PLAGL1: variants seen among roughly 807,000 people sequenced by gnomAD.
PLAGL1 encodes PLAG1 like zinc finger 1.
A neutral mutation model predicts 4.6 loss-of-function variants in PLAGL1; 1 was observed. That is an observed-to-expected ratio of 0.22 (90% CI 0.08 to 1.03). PLAGL1 has a LOEUF of 1.03. Ranked by LOEUF, PLAGL1 falls within the 50% of genes least tolerant of loss-of-function variation. The probability of loss-of-function intolerance (pLI) is 0.58; values close to 1 mark genes in which losing one functional copy is unlikely to be tolerated. For synonymous variants in PLAGL1, 240 were observed against 237.8 expected (o/e 1.01, Z -0.08); for missense variants, 464 against 570.4 (o/e 0.81, Z 1.90).
chr6:144,032,058 A>G (rs904856866), intron 1 of PLAGL1, among the ~76,000 whole-genome samples: 17 of 150,038 alleles, frequency 1.1e-4, no homozygotes, highest in African/African-American at 3.9e-4. Context: ...CCCTTTACCT[A>G]TTTGGGCACA....
In PLAGL1 at chr6:143,964,208, C is replaced by G. The variant is rs554853010; in HGVS notation, c.-399+579G>C. Among the ~76,000 whole-genome samples, 1 of 152,260 alleles carries G rather than the reference C, an allele frequency of 6.6e-6. No homozygotes were observed. Among genetic ancestry groups the G allele is most frequent in the East Asian group, 1.9e-4 (1 of 5,176 alleles). ...AGAAGACAGCTACGTGAAGAGTGTG[C>G]CTCGGGAGGCCAGACCTGAGGCAGG... On this transcript the variant is annotated intron_variant, in intron 5 of 7. Transcript: ENST00000674357. This position sits in a 1 kb window ranked among gnomAD's most constrained non-coding sequence, Gnocchi z 4.3.
rs1797110440 is a variant in PLAGL1, at chr6:144,034,957, G to T, written c.-151+29511C>A. ...TCTTTGAGTATTAACTTGGAAATAA[G>T]GTAAATTGATGGATGGGTATGTAAT... On this transcript the variant is annotated intron_variant, in intron 1 of 3. Coordinates refer to the PLAGL1 transcript ENST00000437412. This position sits in a 1 kb window ranked among gnomAD's most constrained non-coding sequence, Gnocchi z 4.7. Among the ~76,000 whole-genome samples the T allele has an allele frequency of 6.6e-6, 1 of 152,206 alleles. No homozygotes were observed. The highest frequency in any genetic ancestry group is 2.1e-4 in the South Asian group (1 of 4,820).
chr6:144,016,953 G>A lies in PLAGL1; in HGVS notation c.-151+47515C>T, dbSNP rs887924133. Among the ~76,000 whole-genome samples, 2 of 152,072 alleles carry A rather than the reference G, an allele frequency of 1.3e-5. No homozygotes were observed. The highest frequency in any genetic ancestry group is 2.9e-5 in the Non-Finnish European group (2 of 68,014). ...TGTTTTCTAACCTGTGAGGGTGTCA[G>A]TGGCAGAGGTGAAACCTGACCTAGA... is the stretch of plus-strand genomic sequence containing the variant. On this transcript the variant is annotated intron_variant, in intron 1 of 3. Transcript: ENST00000437412. The surrounding 1 kb of genome is among the most constrained non-coding windows in gnomAD (Gnocchi z 4.2).
chr6:144,018,178 A>T (rs1795697266), intron 1 of PLAGL1, among the ~76,000 whole-genome samples: 1 of 152,266 alleles, frequency 6.6e-6, no homozygotes, highest in Non-Finnish European at 1.5e-5. Context: ...ATATTTATAT[A>T]GTCTATATAG....
At chr6:143,992,740 G>A (rs1790739397) in intron 1 of PLAGL1, among the ~76,000 whole-genome samples, 1 of 152,208 alleles carries the variant, frequency 6.6e-6, no homozygotes, top group African/African-American at 2.4e-5. Context: ...CACCTTGGGA[G>A]GCCAAGGCAG....
Position 143,948,117 on chromosome 6 carries a change from T to C in PLAGL1, c.20A>G (p.Gln7Arg), listed in dbSNP as rs1562391534. The stretch of plus-strand genomic sequence containing the variant: ...GGTGAGGAACGTCTTGCCACATAAC[T>C]GGCAGGGGAACGTGGCCATGGGCTT... MATFPC[Q>R]LCGKTFLTLE... is the part of the protein sequence containing the mutation. The change falls in exon 7 of 8, where the codon CAG becomes CGG. Residue 7 changes from glutamine to arginine, a missense_variant. Coordinates refer to ENST00000674357, the MANE Select transcript of PLAGL1 (RefSeq NM_001317162.2). The surrounding 1 kb of genome is among the most constrained non-coding windows in gnomAD (Gnocchi z 6.0). 6.2e-7 allele frequency: 1 copy of C among 1,613,772 alleles called. No homozygotes were observed. The highest frequency in any genetic ancestry group is 1.7e-5 in the Admixed American group (1 of 60,022).
Position 143,994,200 on chromosome 6 carries a change from G to A in PLAGL1, c.-583-9026C>T, listed in dbSNP as rs118064857. 0.01 allele frequency among the ~76,000 whole-genome samples: 1,523 copies of A among 152,202 alleles called. 9 individuals are homozygous for A. Among genetic ancestry groups the A allele is most frequent in the African/African-American group, 0.016 (670 of 41,538 alleles). ...ACCAGGGACTCCCTAAAGTATACTC[G>A]TGAAATTTATAACTTACAATGTGGG... On this transcript the variant is annotated intron_variant, in intron 1 of 7. Coordinates refer to ENST00000674357, the MANE Select transcript of PLAGL1 (RefSeq NM_001317162.2). This position sits in a 1 kb window ranked among gnomAD's most constrained non-coding sequence, Gnocchi z 4.3.
At position 144,004,076 on chromosome 6, in the gene PLAGL1, AT is replaced by A. The variant is rs1435214030; in HGVS notation, c.-584+4013del. Among the ~76,000 whole-genome samples, 2 of 152,124 alleles carry A rather than the reference AT, an allele frequency of 1.3e-5. No individual in the cohort carries two copies. The highest frequency in any genetic ancestry group is 2.9e-5 in the Non-Finnish European group (2 of 68,008). On this transcript the variant is annotated intron_variant, in intron 1 of 7. Coordinates refer to ENST00000674357, the MANE Select transcript of PLAGL1 (RefSeq NM_001317162.2). The surrounding 1 kb of genome is among the most constrained non-coding windows in gnomAD (Gnocchi z 4.2). ...AATACCGTAGAAGAGGTGTCAATAAATTTTTTTCTGTAAATGGCCACGTGGT... is the reference window on the plus strand; with the variant it reads ...AATACCGTAGAAGAGGTGTCAATAAATTTTTTCTGTAAATGGCCACGTGGT...
rs745438962 is a variant in PLAGL1, at chr6:143,941,863, A to T, written c.953T>A (p.Leu318His). The T allele has an allele frequency of 1.2e-6, 2 of 1,614,082 alleles. No homozygotes were observed. Among genetic ancestry groups the T allele is most frequent in the East Asian group, 4.5e-5 (2 of 44,884 alleles). Residue 318 changes from leucine to histidine, a missense_variant, in exon 8 of 8, where the codon CTC (leucine) becomes CAC (histidine). Physicochemically the swap from Leu to His is moderately conservative, Grantham distance 99. Around this residue, in one of 4 missense-constraint regions of PLAGL1, gnomAD observed 248 missense variants for 250.1 expected, o/e 0.99. Transcript: ENST00000674357. The surrounding 1 kb of genome is among the most constrained non-coding windows in gnomAD (Gnocchi z 6.0). ...TSYSPLASLP[L>H]KADTKGFCNI... ...GCAAAAACCTTTAGTATCTGCTTTG[A>T]GGGGCAGGCTTGCAAGTGGGGAGTA...
Position 144,048,240 on chromosome 6 carries a change from G to C in PLAGL1, c.-151+16228C>G, listed in dbSNP as rs1271983937. ...CTTTCATGGGCTGGCATTGAGTGTT[G>C]GTGGCTTTTCCAGGTGCACAGTGCA... On this transcript the variant is annotated intron_variant, in intron 1 of 3. Coordinates refer to the PLAGL1 transcript ENST00000437412. This position sits in a 1 kb window ranked among gnomAD's most constrained non-coding sequence, Gnocchi z 4.8. Among the ~76,000 whole-genome samples the C allele has an allele frequency of 6.6e-6, 1 of 152,136 alleles. No homozygotes were observed. Among genetic ancestry groups the C allele is most frequent in the African/African-American group, 2.4e-5 (1 of 41,438 alleles).
In PLAGL1 at chr6:143,995,583, T is replaced by G. The variant is rs767386855; in HGVS notation, c.-583-10409A>C. Among the ~76,000 whole-genome samples, 1 of 152,148 alleles carries G rather than the reference T, an allele frequency of 6.6e-6. No homozygotes were observed. The highest frequency in any genetic ancestry group is 1.5e-5 in the Non-Finnish European group (1 of 67,974). ...TTGTTGAATAAATTTATGAATGTTTTCTAAGTTAAATAGCTTTAAAAGCTA... is the reference window on the plus strand; with the variant it reads ...TTGTTGAATAAATTTATGAATGTTTGCTAAGTTAAATAGCTTTAAAAGCTA... On this transcript the variant is annotated intron_variant, in intron 1 of 7. Coordinates refer to ENST00000674357, the MANE Select transcript of PLAGL1 (RefSeq NM_001317162.2). This position sits in a 1 kb window ranked among gnomAD's most constrained non-coding sequence, Gnocchi z 4.4.
intron 1 of PLAGL1, among the ~76,000 whole-genome samples, chr6:144,014,256 C>A (rs1562573668): frequency 6.6e-6 from 1 of 151,894 alleles, no homozygotes; most frequent in Non-Finnish European, 1.5e-5. Context: ...CATGGCAAAA[C>A]CCCATCAATA....
chr6:144,001,649 G>A lies in PLAGL1; in HGVS notation c.-584+6441C>T, dbSNP rs370423214. On this transcript the variant is annotated intron_variant, in intron 1 of 7. Transcript: ENST00000674357. ...ACTTTCTCCTAACAAATAGACCATG[G>A]AAAGGGGGAAAAAGTAACATTACAA... 2.1e-4 allele frequency among the ~76,000 whole-genome samples: 32 copies of A among 152,120 alleles called. 1 individual carries two copies. In the East Asian group the frequency reaches 4.4e-3, roughly 21 times the overall value.
At chr6:144,057,161 T>C (rs570535485) in intron 1 of PLAGL1, among the ~76,000 whole-genome samples, 165 of 152,334 alleles carry the variant, frequency 1.1e-3, no homozygotes, top group Non-Finnish European at 1.6e-3. Context: ...ATTATATGGT[T>C]AAGAGTATGT....
In PLAGL1 at chr6:143,950,876, T is replaced by C. The variant is rs933420321; in HGVS notation, c.-324-2416A>G. 1.3e-5 allele frequency among the ~76,000 whole-genome samples: 2 copies of C among 152,158 alleles called. No homozygotes were observed. Among genetic ancestry groups the C allele is most frequent in the South Asian group, 4.1e-4 (2 of 4,824 alleles). On this transcript the variant is annotated intron_variant, in intron 6 of 7. Coordinates refer to ENST00000674357, the MANE Select transcript of PLAGL1 (RefSeq NM_001317162.2). This position sits in a 1 kb window ranked among gnomAD's most constrained non-coding sequence, Gnocchi z 6.3. ...AATGTGCCTCTGAGAAACTGAAACT[T>C]TTACTTTATTTAACTTTAATTTAAA...
intron 1 of PLAGL1, among the ~76,000 whole-genome samples, chr6:144,019,367 G>A (rs892005634): frequency 6.6e-6 from 1 of 152,064 alleles, no homozygotes; most frequent in African/African-American, 2.4e-5. Flanking sequence ...AGCTACCCAG[G>A]AGGCTGAGGC....
chr6:144,020,779 A>G (rs895692440), intron 1 of PLAGL1, among the ~76,000 whole-genome samples: 11 of 146,702 alleles, frequency 7.5e-5, no homozygotes, highest in African/African-American at 2.7e-4. Flanking sequence ...TTATATATCT[A>G]TATATATAAA....
Position 143,994,732 on chromosome 6 carries a change from A to G in PLAGL1, c.-583-9558T>C, listed in dbSNP as rs1018161718. ...TGTGTCCTCAAAATTCAAATGTTGA[A>G]AACCCAAACCCTAATGTGACTGTAT... On this transcript the variant is annotated intron_variant, in intron 1 of 7. Transcript: ENST00000674357. The surrounding 1 kb of genome is among the most constrained non-coding windows in gnomAD (Gnocchi z 4.3). Among the ~76,000 whole-genome samples the G allele has an allele frequency of 6.6e-6, 1 of 152,220 alleles. No individual in the cohort carries two copies. The highest frequency in any genetic ancestry group is 1.5e-5 in the Non-Finnish European group (1 of 68,042).
chr6:143,960,249 TC>T lies in PLAGL1; in HGVS notation c.-325+219del, dbSNP rs1438208216. 6.6e-6 allele frequency among the ~76,000 whole-genome samples: 1 copy of T among 152,188 alleles called. No homozygotes were observed. Among genetic ancestry groups the T allele is most frequent in the Admixed American group, 6.5e-5 (1 of 15,282 alleles). Reference sequence around the variant, plus strand: ...TCATGAAAAGTTGCTAACTGCATCATCCAATTCCCTGAAACACATGTGCACT... The same window carrying T: ...TCATGAAAAGTTGCTAACTGCATCATCAATTCCCTGAAACACATGTGCACT... On this transcript the variant is annotated intron_variant, in intron 6 of 7. Transcript: ENST00000674357. The surrounding 1 kb of genome is among the most constrained non-coding windows in gnomAD (Gnocchi z 5.7).
Sources: gnomAD v4.1 joint callset for allele counts (sites outside exome capture counted in the v4.1 genomes callset) on GRCh38, gnomAD v4.1.1 for gene constraint, gnomAD v4.1.1 regional missense constraint, Gnocchi (gnomAD v3.1) non-coding constraint, MANE v1.5 for transcripts, NCBI Gene and HGNC (gene_info 2026-07-23, HGNC 2026-07-21) for gene names.